VIPR2: variants seen among roughly 807,000 people sequenced by gnomAD.
VIPR2 encodes vasoactive intestinal peptide receptor 2.
A neutral mutation model predicts 58.0 loss-of-function variants in VIPR2; 48 were observed. The ratio of observed to expected loss-of-function variants is 0.83; its 90% confidence interval spans 0.66 to 1.05. VIPR2 has a LOEUF of 1.05. VIPR2 is among the 50% of genes least tolerant of loss of function. The pLI is 0.00. For missense variants in VIPR2, 534 were observed against 558.0 expected, an observed-to-expected ratio of 0.96 and a Z score of 0.43; for synonymous variants, 243 against 235.2, an observed-to-expected ratio of 1.03 and a Z score of -0.30.
intron 4 of VIPR2, among the ~76,000 whole-genome samples, chr7:159,092,399 C>T (rs907738443): frequency 2.6e-4 from 39 of 152,186 alleles, no homozygotes; most frequent in African/African-American, 8.7e-4. Context: ...CCCCATTTAT[C>T]CTCTCCTCTG....
rs190739108 is a variant in VIPR2, at chr7:159,121,095, C to T, written c.152-11176G>A. ...TGCATGGGAAGAGGGGAGGCGTCTCCCTCCCATGCCCAGGGCGTGAGGAGC... is the reference window on the plus strand; with the variant it reads ...TGCATGGGAAGAGGGGAGGCGTCTCTCTCCCATGCCCAGGGCGTGAGGAGC... On this transcript the variant is annotated intron_variant, in intron 2 of 12. Coordinates refer to ENST00000262178, the MANE Select transcript of VIPR2 (RefSeq NM_003382.5). Among the ~76,000 whole-genome samples, 535 of 152,264 alleles carry T rather than the reference C, an allele frequency of 3.5e-3. 6 individuals are homozygous for T. Among genetic ancestry groups the T allele is most frequent in the African/African-American group, 0.012 (495 of 41,546 alleles).
intron 1 of VIPR2, 60 bp from the exon 2 acceptor site, chr7:159,142,605 G>A (rs1797518559): frequency 7.2e-7 from 1 of 1,387,524 alleles, no homozygotes; most frequent in African/African-American, 1.4e-5. Flanking sequence ...AGAAAAGCAA[G>A]CAAAAATTCT....
At chr7:159,112,821 A>G (rs370725453) in intron 2 of VIPR2, among the ~76,000 whole-genome samples, 25 of 120,066 alleles carry the variant, frequency 2.1e-4, no homozygotes, top group Non-Finnish European at 2.8e-4. Context: ...TGTGAAGAGG[A>G]GGCTCACGGC....
At position 159,105,930 on chromosome 7, in the gene VIPR2, G is replaced by A. The variant is rs1211123823; in HGVS notation, c.260-2076C>T. ...CTCACTGAGCCCTCAGGAATGCCGGGCTCTGTGCTTGCATCAACCCAGTTA... is the reference window on the plus strand; with the variant it reads ...CTCACTGAGCCCTCAGGAATGCCGGACTCTGTGCTTGCATCAACCCAGTTA... On this transcript the variant is annotated intron_variant, in intron 3 of 12. Transcript: ENST00000262178. Among the ~76,000 whole-genome samples the A allele has an allele frequency of 6.6e-5, 10 of 152,212 alleles. 1 individual carries two copies. Among genetic ancestry groups the A allele is most frequent in the Non-Finnish European group, 1.5e-4 (10 of 68,040 alleles).
chr7:159,090,459 A>C (rs1216813788), intron 4 of VIPR2, among the ~76,000 whole-genome samples: 2 of 59,608 alleles, frequency 3.4e-5, no homozygotes, highest in Admixed American at 1.6e-4. Context: ...ATCCCCGGTG[A>C]CCTCAGCACA....
At chr7:159,117,877 G>T (rs1796298823) in intron 2 of VIPR2, among the ~76,000 whole-genome samples, 1 of 152,098 alleles carries the variant, frequency 6.6e-6, no homozygotes, top group Admixed American at 6.5e-5. Context: ...AAGCTGAGAA[G>T]CAAAGCCTCC....
chr7:159,118,887 C>T (rs975712885), intron 2 of VIPR2, among the ~76,000 whole-genome samples: 2 of 152,212 alleles, frequency 1.3e-5, no homozygotes, highest in Admixed American at 1.3e-4. Flanking sequence ...CCTGGGTGTG[C>T]GGCACAGCGC....
Position 159,097,192 on chromosome 7 carries a change from G to T in VIPR2, c.357+6565C>A. The T allele has an allele frequency of 7.0e-7, 1 of 1,433,848 alleles. No homozygotes were observed. 88.8% of individuals were successfully genotyped at this position (1,433,848 alleles called of 1,614,324 possible). On this transcript the variant is annotated intron_variant, in intron 4 of 12. Transcript: ENST00000262178. This position sits in a 1 kb window ranked among gnomAD's most constrained non-coding sequence, Gnocchi z 5.3. ...TTTGTCACCAGGGATGGGAGCCCTG[G>T]GGAGTGAAGTTTGCCATCAGTGGGA...
rs1187121857 is a variant in VIPR2, at chr7:159,096,803, C to T, written c.357+6954G>A. 2 of 1,434,538 alleles carry T rather than the reference C, an allele frequency of 1.4e-6. No homozygotes were observed. The highest frequency in any genetic ancestry group is 2.5e-5 in the East Asian group (1 of 39,424). 88.9% of individuals were successfully genotyped at this position (1,434,538 alleles called of 1,614,324 possible). On this transcript the variant is annotated intron_variant, in intron 4 of 12. Coordinates refer to ENST00000262178, the MANE Select transcript of VIPR2 (RefSeq NM_003382.5). This position sits in a 1 kb window ranked among gnomAD's most constrained non-coding sequence, Gnocchi z 5.5. Reference sequence around the variant, plus strand: ...GAGGTCAGTCTCGTGGCCCCCGCAGCAGCCACAGGCCCAGCTCTTGTCCCG... The same window carrying T: ...GAGGTCAGTCTCGTGGCCCCCGCAGTAGCCACAGGCCCAGCTCTTGTCCCG...
At chr7:159,035,246 G>A (rs906291057) in intron 8 of VIPR2, among the ~76,000 whole-genome samples, 7 of 152,078 alleles carry the variant, frequency 4.6e-5, no homozygotes, top group African/African-American at 1.2e-4. Flanking sequence ...GCTTTCCCTC[G>A]GGGGCCGAGG....
At chr7:159,077,458 G>C (rs1856693796) in intron 4 of VIPR2, among the ~76,000 whole-genome samples, 1 of 151,272 alleles carries the variant, frequency 6.6e-6, no homozygotes, top group African/African-American at 2.5e-5. Context: ...CCTGTTATCA[G>C]ATTCTAGCCC....
chr7:159,095,175 C>T lies in VIPR2; in HGVS notation c.357+8582G>A, dbSNP rs772851780. Among the ~76,000 whole-genome samples, 2 of 152,280 alleles carry T rather than the reference C, an allele frequency of 1.3e-5. No individual in the cohort carries two copies. The highest frequency in any genetic ancestry group is 6.8e-3 in the Middle Eastern group (2 of 294). Reference sequence around the variant, plus strand: ...TATCCTGGCCTGGAGTCTATGAAATCGGAGCCGAGACAGCAAATCATATGA... The same window carrying T: ...TATCCTGGCCTGGAGTCTATGAAATTGGAGCCGAGACAGCAAATCATATGA... On this transcript the variant is annotated intron_variant, in intron 4 of 12. Coordinates refer to ENST00000262178, the MANE Select transcript of VIPR2 (RefSeq NM_003382.5). The surrounding 1 kb of genome is among the most constrained non-coding windows in gnomAD (Gnocchi z 5.2).
Position 159,031,067 on chromosome 7 carries a change from C to G in VIPR2, c.1144-278G>C, listed in dbSNP as rs74856266. ...CGCGGTAAGCGCAGTCCCACAGTCT[C>G]AGATAGTTAATATTTCTCTGAAAAG... On this transcript the variant is annotated intron_variant, in intron 12 of 12. Transcript: ENST00000262178. This position sits in a 1 kb window ranked among gnomAD's most constrained non-coding sequence, Gnocchi z 4.0. 0.13 allele frequency among the ~76,000 whole-genome samples: 19,949 copies of G among 152,162 alleles called. 1,417 individuals carry two copies. The highest frequency in any genetic ancestry group is 0.18 in the Middle Eastern group (53 of 294).
At chr7:159,133,126 A>G (rs1309132173) in intron 2 of VIPR2, among the ~76,000 whole-genome samples, 1 of 152,300 alleles carries the variant, frequency 6.6e-6, no homozygotes, top group African/African-American at 2.4e-5. Context: ...CTGAAAACCA[A>G]CTTCCTTACA....
intron 4 of VIPR2, among the ~76,000 whole-genome samples, chr7:159,094,973 T>C (rs931424024): frequency 3.3e-5 from 5 of 152,170 alleles, no homozygotes; most frequent in African/African-American, 4.8e-5. Context: ...TTAAAACATG[T>C]GCCTGGCAGA....
At position 159,094,007 on chromosome 7, in the gene VIPR2, T is replaced by C. The variant is rs575455659; in HGVS notation, c.357+9750A>G. 1.4e-4 allele frequency among the ~76,000 whole-genome samples: 21 copies of C among 152,312 alleles called. 2 individuals carry two copies. The South Asian group carries it at 4.4e-3, about 32-fold the overall frequency. Reference sequence around the variant, plus strand: ...CAGGCTCACATCTGTGATGGGAAAGTCTGCCTTGACCTCTCAAGGAAAGGC... The same window carrying C: ...CAGGCTCACATCTGTGATGGGAAAGCCTGCCTTGACCTCTCAAGGAAAGGC... On this transcript the variant is annotated intron_variant, in intron 4 of 12. Transcript: ENST00000262178.
Position 159,127,172 on chromosome 7 carries a change from G to A in VIPR2, c.151+15274C>T, listed in dbSNP as rs1294090623. Among the ~76,000 whole-genome samples the A allele has an allele frequency of 1.3e-5, 2 of 152,290 alleles. No individual in the cohort carries two copies. The highest frequency in any genetic ancestry group is 2.9e-5 in the Non-Finnish European group (2 of 68,026). ...CGCTGACATTCTGTCTAATTAGTGC[G>A]CTGCATGCATCCCACCCTCAACAGC... On this transcript the variant is annotated intron_variant, in intron 2 of 12. Transcript: ENST00000262178. This position sits in a 1 kb window ranked among gnomAD's most constrained non-coding sequence, Gnocchi z 4.6.
At chr7:159,057,936 T>C (rs1213459406) in intron 5 of VIPR2, among the ~76,000 whole-genome samples, 1 of 152,208 alleles carries the variant, frequency 6.6e-6, no homozygotes, top group African/African-American at 2.4e-5. Context: ...TCACGTGCCA[T>C]GCTAAGCCCT....
chr7:159,069,757 G>A (rs1426270075), intron 4 of VIPR2, among the ~76,000 whole-genome samples: 2 of 152,138 alleles, frequency 1.3e-5, no homozygotes, highest in African/African-American at 2.4e-5. Flanking sequence ...GGAAACTAAT[G>A]TAACCCATAC....
Sources: gnomAD v4.1 joint callset for allele counts (sites outside exome capture counted in the v4.1 genomes callset) on GRCh38, gnomAD v4.1.1 for gene constraint, Gnocchi (gnomAD v3.1) non-coding constraint, MANE v1.5 for transcripts, NCBI Gene and HGNC (gene_info 2026-07-23, HGNC 2026-07-21) for gene names.